TSGA10: variants seen among roughly 807,000 people sequenced by gnomAD.
TSGA10 encodes testis-specific gene 10 protein.
A neutral mutation model predicts 96.6 loss-of-function variants in TSGA10; 43 were observed. That is an observed-to-expected ratio of 0.44 (90% CI 0.35 to 0.57). The LOEUF is 0.57. Among genes scored for constraint, TSGA10 ranks in the 20% least tolerant of loss-of-function variants. TSGA10 has a pLI of 0.01. For missense variants in TSGA10, 703 were observed against 834.4 expected (o/e 0.84, Z 1.94); for synonymous variants, 229 against 269.9 (o/e 0.85, Z 1.48).
At chr2:99,153,069 C>A (rs977757666) in intron 1 of TSGA10, among the ~76,000 whole-genome samples, 4 of 151,920 alleles carry the variant, frequency 2.6e-5, no homozygotes, top group Non-Finnish European at 5.9e-5. Flanking sequence ...AAGGGGACTG[C>A]GGAGTTGGCA....
intron 16 of TSGA10, among the ~76,000 whole-genome samples, chr2:99,051,295 A>C (rs2083366108): frequency 6.6e-6 from 1 of 152,168 alleles, no homozygotes; most frequent in Non-Finnish European, 1.5e-5. Context: ...AAAAAGATAA[A>C]AAATATATCA....
intron 10 of TSGA10, among the ~76,000 whole-genome samples, chr2:99,086,380 T>G (rs1235105776): frequency 6.6e-6 from 1 of 152,188 alleles, no homozygotes; most frequent in East Asian, 1.9e-4. Flanking sequence ...CAAATCAGAA[T>G]CTACTATGAC....
At chr2:99,112,892 C>CTTTAA (rs2091937597) in intron 4 of TSGA10, among the ~76,000 whole-genome samples, 1 of 141,350 alleles carries the variant, frequency 7.1e-6, no homozygotes, top group South Asian at 2.6e-4. Flanking sequence ...CAAACAAAGA[C>CTTTAA]TTTACACAAT....
intron 10 of TSGA10, among the ~76,000 whole-genome samples, chr2:99,098,776 AAAATG>A (rs1489685231): frequency 1.3e-5 from 2 of 152,158 alleles, no homozygotes; most frequent in African/African-American, 4.8e-5. Flanking sequence ...AAATTTAGAC[AAAATG>A]AAAACTGCTT....
chr2:99,139,089 G>A (rs1353101506), intron 1 of TSGA10, among the ~76,000 whole-genome samples: 7 of 152,124 alleles, frequency 4.6e-5, no homozygotes, highest in African/African-American at 1.7e-4. Flanking sequence ...GTGAGTTCCT[G>A]TATCTACAAA....
chr2:99,043,218 G>A (rs2082382506), intron 16 of TSGA10, among the ~76,000 whole-genome samples: 1 of 152,072 alleles, frequency 6.6e-6, no homozygotes, highest in Non-Finnish European at 1.5e-5. Context: ...TGGAATGTCT[G>A]AAACTTGAAA....
chr2:99,103,287 T>C (rs998667491), intron 10 of TSGA10, among the ~76,000 whole-genome samples: 6 of 152,128 alleles, frequency 3.9e-5, no homozygotes, highest in Non-Finnish European at 8.8e-5. Flanking sequence ...TATTAAGCTA[T>C]TACTATTTTT....
intron 1 of TSGA10, among the ~76,000 whole-genome samples, chr2:99,129,036 CA>C (rs2092953773): frequency 6.6e-6 from 1 of 152,306 alleles, no homozygotes; most frequent in South Asian, 2.1e-4. Flanking sequence ...CCACTGCACC[CA>C]GCCAACACAT....
intron 16 of TSGA10, among the ~76,000 whole-genome samples, chr2:99,047,151 G>A (rs1408768676): frequency 6.6e-6 from 1 of 152,166 alleles, no homozygotes; most frequent in Non-Finnish European, 1.5e-5. Flanking sequence ...GGCACAAGGA[G>A]GAGCTGGTAC....
intron 10 of TSGA10, among the ~76,000 whole-genome samples, chr2:99,096,754 T>A (rs1345517030): frequency 6.6e-6 from 1 of 152,218 alleles, no homozygotes; most frequent in Admixed American, 6.5e-5. Flanking sequence ...ATAAACTGAT[T>A]AACATGTCAC....
intron 1 of TSGA10, among the ~76,000 whole-genome samples, chr2:99,145,282 G>A (rs2093620394): frequency 1.3e-5 from 2 of 152,160 alleles, no homozygotes; most frequent in Admixed American, 6.5e-5. Flanking sequence ...TGTGTGGCAG[G>A]TGCGGTGACT....
chr2:99,028,537 G>A (rs2080848843), intron 17 of TSGA10, among the ~76,000 whole-genome samples: 1 of 152,056 alleles, frequency 6.6e-6, no homozygotes, highest in Non-Finnish European at 1.5e-5. Context: ...TAGTTACCAT[G>A]CTGTACATTA....
At chr2:99,060,496 T>C (rs1289521610) in intron 16 of TSGA10, among the ~76,000 whole-genome samples, 1 of 152,150 alleles carries the variant, frequency 6.6e-6, no homozygotes, top group African/African-American at 2.4e-5. Flanking sequence ...GAAGACTCAA[T>C]ATTGTTAAAA....
chr2:99,005,842 C>T (rs1350644238), intron 20 of TSGA10, among the ~76,000 whole-genome samples: 6 of 152,148 alleles, frequency 3.9e-5, no homozygotes, highest in Non-Finnish European at 7.3e-5. Context: ...CAAGGCAATC[C>T]TAAGTCAAAA....
chr2:99,154,297 A>AT (rs2093725415), intron 1 of TSGA10: 1 of 152,218 alleles, frequency 6.6e-6, no homozygotes, highest in Non-Finnish European at 1.5e-5. Flanking sequence ...TTACCTTGCT[A>AT]CCTTGACTGC....
chr2:99,075,059 A>T (rs1165847118), intron 12 of TSGA10, among the ~76,000 whole-genome samples: 1 of 152,190 alleles, frequency 6.6e-6, no homozygotes. Context: ...AAAATACTCT[A>T]GAAACATTGT....
rs778245135 is a variant in TSGA10 at position 98,998,109 on chromosome 2, A to G, written c.*88T>C. On this transcript the variant is annotated 3_prime_UTR_variant, in exon 21 of 21. Transcript: ENST00000393483. ...ATACATTTAACATTGCCAAGCATTT[A>G]AAAGATAAATGCACTCATGTAGCAA... The G allele has an allele frequency of 1.2e-5, 13 of 1,123,554 alleles. No homozygotes were observed. The highest frequency in any genetic ancestry group is 1.7e-5 in the Non-Finnish European group (13 of 764,876). 69.6% of individuals were successfully genotyped at this position (1,123,554 alleles called of 1,614,324 possible). A position where few individuals can be genotyped will look rare whatever the true frequency, so the allele number is the denominator to read the frequency against.
chr2:99,141,219 T>G, intron 1 of TSGA10: 3 of 1,084,356 alleles, frequency 2.8e-6, no homozygotes, highest in African/African-American at 1.7e-5. Flanking sequence ...TTCTCCTCCC[T>G]TCCCACCCCC....
At chr2:99,048,020 T>C (rs1280772778) in intron 16 of TSGA10, among the ~76,000 whole-genome samples, 1 of 152,130 alleles carries the variant, frequency 6.6e-6, no homozygotes, top group African/African-American at 2.4e-5. Flanking sequence ...ACAGGGGACA[T>C]GAAGGACCTC....
Sources: allele counts gnomAD v4.1 joint callset (sites outside exome capture counted in the v4.1 genomes callset), GRCh38; gene constraint gnomAD v4.1.1; transcripts MANE v1.5; gene names NCBI Gene and HGNC (gene_info 2026-07-23, HGNC 2026-07-21).